RAI14: variants seen among roughly 807,000 people sequenced by gnomAD.
The protein encoded by RAI14 is retinoic acid induced 14.
Under a neutral mutation model 115.4 loss-of-function variants are expected in RAI14, and 45 were observed. The observed-to-expected ratio is 0.39, with a 90% CI of 0.31 to 0.50. The LOEUF (loss-of-function observed/expected upper bound fraction) is 0.50. RAI14 is among the 20% of genes least tolerant of loss of function. The pLI, the probability that RAI14 is intolerant of heterozygous loss-of-function variation, is 0.85. For synonymous variants in RAI14, 371 were observed against 415.4 expected (o/e 0.89, Z 1.30); for missense variants, 939 against 1,131.2 (o/e 0.83, Z 2.44).
At chr5:34,815,832 G>C (rs2150275136) in intron 12 of RAI14, among the ~76,000 whole-genome samples, 1 of 152,298 alleles carries the variant, frequency 6.6e-6, no homozygotes, top group East Asian at 1.9e-4. Flanking sequence ...AAGTGTGTGA[G>C]ATTAATTAGC....
At chr5:34,731,202 C>T (rs898012253) in intron 2 of RAI14, among the ~76,000 whole-genome samples, 2 of 152,002 alleles carry the variant, frequency 1.3e-5, no homozygotes, top group African/African-American at 4.8e-5. Flanking sequence ...TTTTATCCCC[C>T]TTCTTACAGT....
At chr5:34,687,861 G>C in intron 2 of RAI14, 2 of 1,166,986 alleles carry the variant, frequency 1.7e-6, no homozygotes, top group Non-Finnish European at 2.5e-6. Context: ...AATGGAGGCT[G>C]TGTCTTTTAT....
chr5:34,733,415 A>G (rs559934340), intron 2 of RAI14, among the ~76,000 whole-genome samples: 38 of 152,216 alleles, frequency 2.5e-4, no homozygotes, highest in Non-Finnish European at 5.1e-4. Flanking sequence ...GAACTGCTCA[A>G]GTTAATGAGG....
Position 34,721,184 on chromosome 5 carries a change from G to A in RAI14, c.36+34229G>A, listed in dbSNP as rs370445122. 6.0e-5 allele frequency among the ~76,000 whole-genome samples: 9 copies of A among 150,784 alleles called. No homozygotes were observed. The East Asian group carries it at 1.2e-3, about 20-fold the overall frequency. ...TCTTCTGTAAGGTCTTCGGCCTCCCGTTGTTGTCCATAGATATTGCTTCTG... is the reference window on the plus strand; with the variant it reads ...TCTTCTGTAAGGTCTTCGGCCTCCCATTGTTGTCCATAGATATTGCTTCTG... On this transcript the variant is annotated intron_variant, in intron 2 of 17. Coordinates refer to ENST00000265109, the MANE Select transcript of RAI14 (RefSeq NM_015577.3).
intron 3 of RAI14, among the ~76,000 whole-genome samples, chr5:34,763,545 C>T (rs1748960257): frequency 6.6e-6 from 1 of 152,176 alleles, no homozygotes; most frequent in East Asian, 1.9e-4. Flanking sequence ...ATGTTCCAGA[C>T]TTTTTCATAA....
chr5:34,740,634 G>C (rs1165637736), intron 2 of RAI14, among the ~76,000 whole-genome samples: 3 of 152,132 alleles, frequency 2.0e-5, no homozygotes, highest in Non-Finnish European at 4.4e-5. Flanking sequence ...TGTGTCTTCT[G>C]GGGGCTGGGG....
intron 2 of RAI14, among the ~76,000 whole-genome samples, chr5:34,723,573 A>G (rs1743073625): frequency 6.6e-6 from 1 of 152,214 alleles, no homozygotes. Flanking sequence ...GTTTGACCAA[A>G]TAACTGCACC....
At chr5:34,665,178 C>CATATATGTATATATATAT (rs1554037638) in intron 1 of RAI14, among the ~76,000 whole-genome samples, 1 of 7,088 alleles carries the variant, frequency 1.4e-4, no homozygotes, top group African/African-American at 6.1e-4. Context: ...TATATACACA[C>CATATATGTATATATATAT]ATATATATAT....
At chr5:34,805,578 G>A (rs1262952278) in intron 5 of RAI14, among the ~76,000 whole-genome samples, 11 of 152,176 alleles carry the variant, frequency 7.2e-5, no homozygotes, top group African/African-American at 2.2e-4. Flanking sequence ...AGTGGCTCAC[G>A]CCTGTAATCC....
chr5:34,699,277 A>G (rs1224659025), intron 2 of RAI14, among the ~76,000 whole-genome samples: 2 of 152,204 alleles, frequency 1.3e-5, no homozygotes, highest in African/African-American at 4.8e-5. Flanking sequence ...AAACTGCAAC[A>G]TGGTATCTTG....
intron 3 of RAI14, among the ~76,000 whole-genome samples, chr5:34,784,910 T>C (rs895331475): frequency 4.6e-5 from 7 of 152,226 alleles, no homozygotes; most frequent in Non-Finnish European, 1.0e-4. Flanking sequence ...TAGTAATTTT[T>C]GAAAGTCATT....
rs111999262 is a variant in RAI14, at chr5:34,656,344, G to A, written c.-180G>A. Reference sequence around the variant, plus strand: ...TCGGCGCCCACTGACCCCCGCAGCGGGGGAGGAGGAGGGACTGCGGCGCAG... The same window carrying A: ...TCGGCGCCCACTGACCCCCGCAGCGAGGGAGGAGGAGGGACTGCGGCGCAG... On this transcript the variant is annotated 5_prime_UTR_variant, in exon 1 of 18. Coordinates refer to ENST00000265109, the MANE Select transcript of RAI14 (RefSeq NM_015577.3). 2 of 152,006 alleles carry A rather than the reference G, an allele frequency of 1.3e-5. No homozygotes were observed. The highest frequency in any genetic ancestry group is 6.6e-5 in the Admixed American group (1 of 15,266). The allele number at this position is 152,006 out of a possible 1,614,324, so 9.4% of individuals were successfully genotyped here.
intron 3 of RAI14, among the ~76,000 whole-genome samples, chr5:34,789,539 C>T (rs1752688429): frequency 6.6e-6 from 1 of 152,208 alleles, no homozygotes; most frequent in African/African-American, 2.4e-5. Flanking sequence ...TACTTGTCTA[C>T]AACTTTGTTC....
At chr5:34,661,144 G>A (rs552180988) in intron 1 of RAI14, among the ~76,000 whole-genome samples, 1 of 152,270 alleles carries the variant, frequency 6.6e-6, no homozygotes, top group Admixed American at 6.5e-5. Flanking sequence ...GTATTACATG[G>A]TTGAACATTC....
intron 2 of RAI14, among the ~76,000 whole-genome samples, chr5:34,696,930 A>C (rs151063870): frequency 0.011 from 1,644 of 152,020 alleles, 34 homozygotes; most frequent in African/African-American, 0.038. Flanking sequence ...CAGGAGTTAG[A>C]GATCAGCTTG....
At chr5:34,707,464 C>T (rs1207365162) in intron 2 of RAI14, among the ~76,000 whole-genome samples, 10 of 152,168 alleles carry the variant, frequency 6.6e-5, no homozygotes, top group Non-Finnish European at 2.9e-5. Flanking sequence ...GAGACTCCGT[C>T]TCAAAAAAAA....
At chr5:34,716,594 G>T (rs1030541219) in intron 2 of RAI14, among the ~76,000 whole-genome samples, 9 of 151,958 alleles carry the variant, frequency 5.9e-5, no homozygotes, top group African/African-American at 2.2e-4. Flanking sequence ...TGTATTTTTA[G>T]TAGAGACAGG....
Position 34,823,677 on chromosome 5 carries a change from A to G in RAI14, c.1835A>G (p.Lys612Arg). Residue 612 changes from lysine to arginine, a missense_variant, in exon 15 of 18, where the codon AAA (lysine) becomes AGA (arginine). Transcript: ENST00000265109. The surrounding 1 kb of genome is among the most constrained non-coding windows in gnomAD (Gnocchi z 4.5). ...QEAQEEIMKL[K>R]DTLKSQMTQE... is the part of the protein sequence containing the mutation. ...GCCCAAGAAGAAATCATGAAATTAA[A>G]AGACACACTAAAAAGTCAGATGACA... 2 of 1,614,014 alleles carry G rather than the reference A, an allele frequency of 1.2e-6. No homozygotes were observed. Among genetic ancestry groups the G allele is most frequent in the Non-Finnish European group, 1.7e-6 (2 of 1,180,000 alleles).
intron 2 of RAI14, among the ~76,000 whole-genome samples, chr5:34,709,834 ATTTTG>A (rs1412697029): frequency 6.6e-6 from 1 of 151,790 alleles, no homozygotes; most frequent in Non-Finnish European, 1.5e-5. Context: ...CCGTGTAGAT[ATTTTG>A]TTTTGATCTC....
Sources: gnomAD v4.1 joint callset for allele counts (sites outside exome capture counted in the v4.1 genomes callset) on GRCh38, gnomAD v4.1.1 for gene constraint, Gnocchi (gnomAD v3.1) non-coding constraint, MANE v1.5 for transcripts, NCBI Gene and HGNC (gene_info 2026-07-23, HGNC 2026-07-21) for gene names.